Variants in IMMP2L observed in about 807,000 individuals in gnomAD.
IMMP2L encodes mitochondrial inner membrane protease subunit 2.
IMMP2L carries 18 observed loss-of-function variants against 19.3 expected under a neutral mutation model. That is an observed-to-expected ratio of 0.93 (90% CI 0.64 to 1.38). IMMP2L has a LOEUF of 1.38. Ranked by LOEUF, IMMP2L falls within the 40% of genes most tolerant of loss-of-function variation. The pLI, the probability that IMMP2L is intolerant of heterozygous loss-of-function variation, is 0.00. For synonymous variants in IMMP2L, 76 were observed against 73.0 expected (o/e 1.04, Z -0.21); for missense variants, 233 against 218.2 (o/e 1.07, Z -0.43).
chr7:110,814,968 A>G (rs565485577), intron 5 of IMMP2L, among the ~76,000 whole-genome samples: 2 of 152,128 alleles, frequency 1.3e-5, no homozygotes, highest in South Asian at 4.1e-4. Context: ...CAATTGATAC[A>G]ATAGCAAGCC....
chr7:111,535,179 G>C (rs575807401), intron 1 of IMMP2L, among the ~76,000 whole-genome samples: 4 of 152,094 alleles, frequency 2.6e-5, no homozygotes, highest in Admixed American at 2.6e-4. Context: ...CAGAATTAAA[G>C]ATTTTTCAGG....
At chr7:111,017,593 T>A (rs1157557517) in intron 3 of IMMP2L, among the ~76,000 whole-genome samples, 1 of 152,170 alleles carries the variant, frequency 6.6e-6, no homozygotes, top group African/African-American at 2.4e-5. Context: ...TTGTCCTTTC[T>A]TTTTACTCCC....
rs77448331 is a variant in IMMP2L at position 111,237,358 on chromosome 7, T to C, written c.239+249880A>G. The stretch of plus-strand genomic sequence containing the variant: ...ATTGTGTATTGTGTCCTGTTTTGAT[T>C]TACTGGAAGATTACAAACTAGCATG... On this transcript the variant is annotated intron_variant, in intron 3 of 5. Transcript: ENST00000405709. Among the ~76,000 whole-genome samples the C allele has an allele frequency of 3.9e-5, 6 of 152,218 alleles. No individual in the cohort carries two copies. The East Asian group carries it at 1.2e-3, about 29-fold the overall frequency.
chr7:110,916,142 T>C (rs932710286), intron 4 of IMMP2L, among the ~76,000 whole-genome samples: 4 of 152,202 alleles, frequency 2.6e-5, no homozygotes, highest in African/African-American at 9.6e-5. Flanking sequence ...GAATTAAAAA[T>C]CATTGCTTCG....
intron 5 of IMMP2L, among the ~76,000 whole-genome samples, chr7:110,741,637 T>A (rs1342960034): frequency 6.6e-6 from 1 of 152,208 alleles, no homozygotes; most frequent in Non-Finnish European, 1.5e-5. Flanking sequence ...GTCTATTGTT[T>A]ATGAATTACC....
Position 111,487,249 on chromosome 7 carries a change from A to G in IMMP2L, c.228T>C (p.Ile76=), listed in dbSNP as rs1842732320. The G allele has an allele frequency of 2.0e-6, 3 of 1,537,950 alleles. No homozygotes were observed. Residue 76 remains isoleucine, a synonymous_variant, in exon 3 of 6, where the codon ATT becomes ATC. Coordinates refer to ENST00000405709, the MANE Select transcript of IMMP2L (RefSeq NM_032549.4). The part of the protein sequence containing the change: ...VRNFEVHRGD[I]VSLVSPKNPE... Reference sequence around the variant, plus strand: ...TCTGAGTTACTTACACCAATGATACAATGTCACCACGGTGTACTTCAAAAT... The same window carrying G: ...TCTGAGTTACTTACACCAATGATACGATGTCACCACGGTGTACTTCAAAAT...
intron 3 of IMMP2L, among the ~76,000 whole-genome samples, chr7:111,421,294 G>C (rs1835512189): frequency 7.0e-6 from 1 of 142,902 alleles, no homozygotes. Flanking sequence ...TTTTGAGACG[G>C]AGTCTCGCTC....
Position 111,152,713 on chromosome 7 carries a change from A to G in IMMP2L, c.240-189148T>C, listed in dbSNP as rs1443680525. Among the ~76,000 whole-genome samples, 4 of 152,112 alleles carry G rather than the reference A, an allele frequency of 2.6e-5. No homozygotes were observed. In the East Asian group the frequency reaches 5.8e-4, roughly 22 times the overall value. ...CTCAGCTCCTCCTCATTAATAGACA[A>G]AAAGGCCATTATTTCATCTTCTCCG... is the stretch of plus-strand genomic sequence containing the variant. On this transcript the variant is annotated intron_variant, in intron 3 of 5. Transcript: ENST00000405709.
intron 3 of IMMP2L, among the ~76,000 whole-genome samples, chr7:111,444,802 C>T (rs1369815883): frequency 6.6e-6 from 1 of 152,032 alleles, no homozygotes; most frequent in East Asian, 1.9e-4. Context: ...AACTATATGG[C>T]ATAATGCAGT....
chr7:111,216,425 C>T (rs1278661787), intron 3 of IMMP2L, among the ~76,000 whole-genome samples: 2 of 152,034 alleles, frequency 1.3e-5, no homozygotes, highest in Non-Finnish European at 2.9e-5. Flanking sequence ...TTTATGACTG[C>T]ATAAATTTAT....
intron 5 of IMMP2L, among the ~76,000 whole-genome samples, chr7:110,689,855 C>T (rs1410740294): frequency 1.3e-5 from 2 of 152,106 alleles, no homozygotes; most frequent in Non-Finnish European, 2.9e-5. Flanking sequence ...TGCCAGGTAA[C>T]AGGAGTTTCT....
intron 3 of IMMP2L, among the ~76,000 whole-genome samples, chr7:111,322,941 A>G (rs1438023806): frequency 1.1e-4 from 17 of 151,842 alleles, no homozygotes. Context: ...TTTTTTTTAC[A>G]AAAGTAAATA....
At chr7:111,014,440 C>T (rs947113672) in intron 3 of IMMP2L, among the ~76,000 whole-genome samples, 1 of 151,952 alleles carries the variant, frequency 6.6e-6, no homozygotes, top group African/African-American at 2.4e-5. Flanking sequence ...ATTTTAAATG[C>T]AAATATAAAT....
intron 5 of IMMP2L, among the ~76,000 whole-genome samples, chr7:110,779,856 G>A: frequency 6.6e-6 from 1 of 151,712 alleles, no homozygotes; most frequent in East Asian, 1.9e-4. Context: ...GGAAAATACA[G>A]GAGTAAAGTT....
intron 5 of IMMP2L, among the ~76,000 whole-genome samples, chr7:110,814,927 C>A (rs1200953773): frequency 6.6e-6 from 1 of 151,848 alleles, no homozygotes; most frequent in African/African-American, 2.4e-5. Context: ...AAAAATGAAA[C>A]ACATGGTAGT....
At position 111,487,229 on chromosome 7, in the gene IMMP2L, G is replaced by A; in HGVS notation, c.239+9C>T. ...ATATACAAATATAGTATGCTTCTGA[G>A]TTACTTACACCAATGATACAATGTC... On this transcript the variant is annotated intron_variant, in intron 3 of 5. Coordinates refer to ENST00000405709, the MANE Select transcript of IMMP2L (RefSeq NM_032549.4). 7.6e-7 allele frequency: 1 copy of A among 1,309,056 alleles called. No individual in the cohort carries two copies. Among genetic ancestry groups the A allele is most frequent in the Non-Finnish European group, 1.1e-6 (1 of 904,008 alleles). 81.1% of individuals were successfully genotyped at this position (1,309,056 alleles called of 1,614,324 possible).
rs1253552256 is a variant in IMMP2L at position 111,148,612 on chromosome 7, G to A, written c.240-185047C>T. ...CTATTTAAAAAAGACATATTAAGGTGAGATTATTGCAATAATTTCTGTCTT... is the reference window on the plus strand; with the variant it reads ...CTATTTAAAAAAGACATATTAAGGTAAGATTATTGCAATAATTTCTGTCTT... On this transcript the variant is annotated intron_variant, in intron 3 of 5. Transcript: ENST00000405709. Among the ~76,000 whole-genome samples the A allele has an allele frequency of 2.6e-5, 4 of 151,972 alleles. 1 individual carries two copies. Among genetic ancestry groups the A allele is most frequent in the African/African-American group, 9.7e-5 (4 of 41,386 alleles).
At chr7:111,169,606 T>C (rs1288918889) in intron 3 of IMMP2L, among the ~76,000 whole-genome samples, 1 of 151,806 alleles carries the variant, frequency 6.6e-6, no homozygotes, top group Non-Finnish European at 1.5e-5. Flanking sequence ...AACTCCAATC[T>C]TCCCATAGCA....
At chr7:111,143,951 AC>A (rs148234626) in intron 3 of IMMP2L, among the ~76,000 whole-genome samples, 1,752 of 152,214 alleles carry the variant, frequency 0.012, 38 homozygotes, top group African/African-American at 0.04. Context: ...TTCATTCATT[AC>A]CCTACCCTGT....
Sources: gnomAD v4.1 joint callset for allele counts (sites outside exome capture counted in the v4.1 genomes callset) on GRCh38, gnomAD v4.1.1 for gene constraint, MANE v1.5 for transcripts, NCBI Gene and HGNC (gene_info 2026-07-23, HGNC 2026-07-21) for gene names.